Variants in NXPE2 observed in about 807,000 individuals in gnomAD.
NXPE2 encodes the protein NXPE family member 2.
NXPE2 carries 34 observed loss-of-function variants against 34.4 expected under a neutral mutation model. That is an observed-to-expected ratio of 0.99 (90% confidence interval 0.75 to 1.31). The LOEUF (loss-of-function observed/expected upper bound fraction) is 1.31, where lower values mean the gene tolerates loss of function less well. NXPE2 is among the 40% of genes most tolerant of loss of function. The pLI, the probability that NXPE2 is intolerant of heterozygous loss-of-function variation, is 0.00. For synonymous variants in NXPE2, 235 were observed against 231.3 expected (o/e 1.02, Z -0.15); for missense variants, 649 against 672.5 (o/e 0.97, Z 0.39).
Position 114,698,551 on chromosome 11 carries a change from G to C in NXPE2, c.639G>C (p.Arg213Ser). The change falls in exon 3 of 6, where the codon AGG becomes AGC. Residue 213 changes from arginine (R) to serine (S), a missense_variant. Coordinates refer to ENST00000389586, the MANE Select transcript of NXPE2 (RefSeq NM_182495.6). ...GGGCAAGGAACCAAGGATGTGATAG[G>C]ATCATCTTCACTGGCCTGTTTGCCA... The part of the protein sequence containing the change: ...LWRARNQGCD[R>S]IIFTGLFANR... The C allele has an allele frequency of 6.2e-7, 1 of 1,614,134 alleles. No individual in the cohort carries two copies. The highest frequency in any genetic ancestry group is 1.1e-5 in the South Asian group (1 of 91,072).
At chr11:114,788,991 C>G in the NXPE2 span, among the ~76,000 whole-genome samples, 1 of 152,184 alleles carries the variant, frequency 6.6e-6, no homozygotes, top group Non-Finnish European at 1.5e-5. Flanking sequence ...TTCCCTCAGT[C>G]TTTGCCAATA....
chr11:114,513,169 A>G, the NXPE2 span: 1 of 553,886 alleles, frequency 1.8e-6, no homozygotes, highest in Non-Finnish European at 3.7e-6. Context: ...ATTGCTTCCT[A>G]TGTCCCAAGT....
chr11:114,715,521 G>A, the NXPE2 span, among the ~76,000 whole-genome samples: 3 of 152,072 alleles, frequency 2.0e-5, no homozygotes, highest in South Asian at 4.2e-4. Flanking sequence ...TTACATAATA[G>A]AAACCAATAA....
At chr11:114,783,632 T>C in the NXPE2 span, among the ~76,000 whole-genome samples, 1,446 of 152,368 alleles carry the variant, frequency 9.5e-3, 10 homozygotes, top group Non-Finnish European at 0.015. Context: ...GGGGTCCTCT[T>C]TACTCCTTGA....
At chr11:114,577,430 CTA>C in the NXPE2 span, among the ~76,000 whole-genome samples, 1 of 151,956 alleles carries the variant, frequency 6.6e-6, no homozygotes, top group Non-Finnish European at 1.5e-5. Flanking sequence ...GGATAAAAGA[CTA>C]TACATTGGGC....
At chr11:114,552,612 C>T in the NXPE2 span, among the ~76,000 whole-genome samples, 2 of 152,012 alleles carry the variant, frequency 1.3e-5, no homozygotes, top group African/African-American at 2.4e-5. Flanking sequence ...AGGGGCTACT[C>T]TGACCCCTCC....
chr11:114,583,412 C>A, the NXPE2 span: 3 of 642,726 alleles, frequency 4.7e-6, no homozygotes, highest in Middle Eastern at 2.9e-4. Context: ...AATGGAAACC[C>A]ATCACCCTCA....
the NXPE2 span, among the ~76,000 whole-genome samples, chr11:114,802,383 A>T: frequency 6.6e-6 from 1 of 152,228 alleles, no homozygotes. Context: ...TTCATCTTAG[A>T]AAAAGTCTTC....
chr11:114,489,820 C>A, the NXPE2 span, among the ~76,000 whole-genome samples: 2 of 152,168 alleles, frequency 1.3e-5, no homozygotes, highest in African/African-American at 4.8e-5. Context: ...CCCTCTCTCA[C>A]CACTCCTATT....
the NXPE2 span, among the ~76,000 whole-genome samples, chr11:114,483,198 G>A: frequency 8.5e-5 from 13 of 152,258 alleles, no homozygotes; most frequent in Non-Finnish European, 1.3e-4. Context: ...AGAAATAGCA[G>A]CTGACATATT....
the NXPE2 span, among the ~76,000 whole-genome samples, chr11:114,606,965 T>C: frequency 1.9e-3 from 287 of 152,078 alleles, 3 homozygotes; most frequent in African/African-American, 5.5e-3. Context: ...TAATAAGTGT[T>C]GCCTTGTGGG....
At chr11:114,714,400 T>C in the NXPE2 span, among the ~76,000 whole-genome samples, 1 of 152,232 alleles carries the variant, frequency 6.6e-6, no homozygotes, top group African/African-American at 2.4e-5. Context: ...TAAAAGTCTT[T>C]GATGGCTTTA....
the NXPE2 span, among the ~76,000 whole-genome samples, chr11:114,623,156 G>T: frequency 6.6e-6 from 1 of 151,376 alleles, no homozygotes; most frequent in Non-Finnish European, 1.5e-5. Context: ...TGGGTAACCA[G>T]TGTTAACCGG....
At chr11:114,527,904 TC>T in the NXPE2 span, 1 of 1,527,638 alleles carries the variant, frequency 6.5e-7, no homozygotes, top group Non-Finnish European at 8.7e-7. Flanking sequence ...CTTTGGACCT[TC>T]AAAAAAAAAA....
chr11:114,804,236 C>T, the NXPE2 span, among the ~76,000 whole-genome samples: 1 of 152,214 alleles, frequency 6.6e-6, no homozygotes, highest in Non-Finnish European at 1.5e-5. Context: ...CCTCTGCTCC[C>T]TATTCCCATA....
the NXPE2 span, among the ~76,000 whole-genome samples, chr11:114,618,160 G>A: frequency 1.1e-4 from 16 of 151,396 alleles, no homozygotes; most frequent in South Asian, 1.3e-3. Context: ...GTATTGCCTC[G>A]TGGGTAACCA....
the NXPE2 span, among the ~76,000 whole-genome samples, chr11:114,725,972 A>ATATATATATATATATATATATATAT: frequency 1.4e-4 from 2 of 14,246 alleles, no homozygotes; most frequent in African/African-American, 2.6e-4. Flanking sequence ...TATAATAAAA[A>ATATATATATATATATATATATATAT]AAAAATATAT....
chr11:114,512,119 A>G, the NXPE2 span, among the ~76,000 whole-genome samples: 5 of 152,190 alleles, frequency 3.3e-5, no homozygotes, highest in Non-Finnish European at 7.3e-5. Flanking sequence ...AGTTGATGCT[A>G]TAGTTAGCTC....
At chr11:114,805,718 C>A in the NXPE2 span, among the ~76,000 whole-genome samples, 1 of 152,222 alleles carries the variant, frequency 6.6e-6, no homozygotes, top group South Asian at 2.1e-4. Flanking sequence ...GGGTGGAGCC[C>A]ACCACAGCTC....
Sources: allele counts gnomAD v4.1 joint callset (sites outside exome capture counted in the v4.1 genomes callset), GRCh38; gene constraint gnomAD v4.1.1; transcripts MANE v1.5; gene names NCBI Gene and HGNC (gene_info 2026-07-23, HGNC 2026-07-21).